TRMU: variants seen among roughly 807,000 people sequenced by gnomAD.
TRMU encodes the protein tRNA mitochondrial 2-thiouridylase, also known as mitochondrial tRNA-specific 2-thiouridylase 1.
In TRMU, 49 loss-of-function variants were observed where a neutral mutation model predicts 46.9. The ratio of observed to expected loss-of-function variants is 1.05; its 90% CI spans 0.83 to 1.33. The LOEUF is 1.33. Ranked by LOEUF, TRMU falls within the 40% of genes most tolerant of loss-of-function variation. TRMU has a pLI of 0.00. For missense variants in TRMU, 572 were observed against 532.4 expected (o/e 1.07, Z -0.73); for synonymous variants, 241 against 200.9 (o/e 1.20, Z -1.69).
Position 46,338,662 on chromosome 22 carries a change from G to T in TRMU, c.248+718G>T, listed in dbSNP as rs1270618352. Among the ~76,000 whole-genome samples the T allele has an allele frequency of 6.6e-6, 1 of 152,216 alleles. No homozygotes were observed. Among genetic ancestry groups the T allele is most frequent in the East Asian group, 1.9e-4 (1 of 5,196 alleles). The stretch of plus-strand genomic sequence containing the variant: ...AAGTTGTAGAGAAGGGACTCCAAAT[G>T]GGGTAACGAGAGCAGCGTGAAGGGG... On this transcript the variant is annotated intron_variant, in intron 2 of 10. Transcript: ENST00000645190. This position sits in a 1 kb window ranked among gnomAD's most constrained non-coding sequence, Gnocchi z 4.5.
At chr22:46,354,040 A>T (rs1243153285) in intron 8 of TRMU, 173 bp downstream of exon 8, 1 of 644,824 alleles carries the variant, frequency 1.6e-6, no homozygotes, top group Non-Finnish European at 2.8e-6. Context: ...TGGTGGCAGG[A>T]GAGTTTTAAG....
At position 46,357,281 on chromosome 22, in the gene TRMU, C is replaced by A; in HGVS notation, c.*275C>A. The A allele has an allele frequency of 1.8e-6, 1 of 558,236 alleles. No individual in the cohort carries two copies. The highest frequency in any genetic ancestry group is 3.2e-6 in the Non-Finnish European group (1 of 311,366). The allele number at this position is 558,236 out of a possible 1,614,324, so 34.6% of individuals were successfully genotyped here. A position where few individuals can be genotyped will look rare whatever the true frequency, so the allele number is the denominator to read the frequency against. On this transcript the variant is annotated 3_prime_UTR_variant, in exon 11 of 11. Transcript: ENST00000645190. ...GAGGGTTTCCCACCTCAGAGTACACCGAGGGGACCTGCAGAGGGGGCTGTC... is the reference window on the plus strand; with the variant it reads ...GAGGGTTTCCCACCTCAGAGTACACAGAGGGGACCTGCAGAGGGGGCTGTC...
Position 46,356,170 on chromosome 22 carries a change from A to G in TRMU, c.1101+98A>G, listed in dbSNP as rs1013672182. On this transcript the variant is annotated intron_variant, in intron 10 of 10. Transcript: ENST00000645190. ...GAGGAAGGGGCTGAGGCCCAGGAGT[A>G]GGGTGTGCTCGGGTCACACAGCTGG... 5.0e-6 allele frequency: 7 copies of G among 1,407,410 alleles called. No homozygotes were observed. In the African/African-American group the frequency reaches 9.9e-5, roughly 20 times the overall value. The allele number at this position is 1,407,410 out of a possible 1,614,324, so 87.2% of individuals were successfully genotyped here.
rs906995971 is a variant in TRMU at position 46,335,847 on chromosome 22, G to T, written c.82+1G>T. ...GCCGCGCTGCTGCTGAGGCGGAGAG[G>T]TGAGGCGTCCGAGGCTCCCGCCCCC... On this transcript the variant is annotated splice_donor_variant, in intron 1 of 10. Coordinates refer to ENST00000645190, the MANE Select transcript of TRMU (RefSeq NM_018006.5). LOFTEE classifies it high-confidence loss of function. The T allele has an allele frequency of 3.9e-6, 6 of 1,546,014 alleles. No individual in the cohort carries two copies. In the African/African-American group the frequency reaches 8.2e-5, roughly 21 times the overall value.
chr22:46,346,693 C>G (rs2078267674), intron 4 of TRMU, 149 bp downstream of exon 4: 1 of 1,025,082 alleles, frequency 9.8e-7, no homozygotes, highest in Non-Finnish European at 1.4e-6. Context: ...TGAAAAGGTG[C>G]AGTTACCAAG....
In TRMU at chr22:46,353,261, A is replaced by G. The variant is rs573379946; in HGVS notation, c.773-506A>G. ...GCTGCCGGCCCAGGCCACGTGGTAA[A>G]TCCCATGAGGTTCTCTCTGCCTGTG... On this transcript the variant is annotated intron_variant, in intron 7 of 10. Coordinates refer to ENST00000645190, the MANE Select transcript of TRMU (RefSeq NM_018006.5). The G allele has an allele frequency of 1.7e-4, 32 of 188,350 alleles. No individual in the cohort carries two copies. In the South Asian group the frequency reaches 2.8e-3, roughly 17 times the overall value. The allele number at this position is 188,350 out of a possible 1,614,324, so 11.7% of individuals were successfully genotyped here.
rs2077984722 is a variant in TRMU at position 46,336,579 on chromosome 22, A to G, written c.82+733A>G. 6.6e-6 allele frequency: 1 copy of G among 152,254 alleles called. No homozygotes were observed. The highest frequency in any genetic ancestry group is 1.5e-5 in the Non-Finnish European group (1 of 68,096). The allele number at this position is 152,254 out of a possible 1,614,324, so 9.4% of individuals were successfully genotyped here. A position where few individuals can be genotyped will look rare whatever the true frequency, so the allele number is the denominator to read the frequency against. On this transcript the variant is annotated intron_variant, in intron 1 of 10. Coordinates refer to ENST00000645190, the MANE Select transcript of TRMU (RefSeq NM_018006.5). The surrounding 1 kb of genome is among the most constrained non-coding windows in gnomAD (Gnocchi z 4.1). ...CAAGTGAATTAAGCCGTCCCCTGTA[A>G]AATTCGGCTAACACCTGCCTCACGG...
intron 3 of TRMU, among the ~76,000 whole-genome samples, chr22:46,344,898 A>G (rs1050615855): frequency 1.3e-5 from 2 of 152,132 alleles, no homozygotes; most frequent in South Asian, 4.1e-4. Context: ...TGCCTTTTTC[A>G]GGTCGTTAAT....
rs1167225464 is a variant in TRMU at position 46,335,843 on chromosome 22, A to G, written c.79A>G (p.Arg27Gly). 1.3e-6 allele frequency: 2 copies of G among 1,548,582 alleles called. No individual in the cohort carries two copies. The highest frequency in any genetic ancestry group is 4.8e-5 in the East Asian group (2 of 41,240). ...CGTGGCCGCGCTGCTGCTGAGGCGG[A>G]GAGGTGAGGCGTCCGAGGCTCCCGC... ...SAVAALLLRR[R>G]GYQVTGVFMK... The change falls in exon 1 of 11, where the codon AGA becomes GGA. Residue 27 changes from arginine (R) to glycine (G), a missense_variant. By Grantham distance (125) the Arg-to-Gly change is moderately radical. Transcript: ENST00000645190.
chr22:46,355,444 G>C lies in TRMU; in HGVS notation c.874G>C (p.Ala292Pro). Residue 292 changes from alanine to proline, a missense_variant and splice_region_variant, in exon 9 of 11, where the codon GCC becomes CCC. By Grantham distance (27) the Ala-to-Pro change is conservative (BLOSUM62 -1). Coordinates refer to ENST00000645190, the MANE Select transcript of TRMU (RefSeq NM_018006.5). ...KDSVKGDVFV[A>P]PRTDHPALYR... ...CCCACCTTCACATTCCATTCTGCAG[G>C]CCCCCCGGACAGACCACCCAGCCCT... 2 of 1,612,402 alleles carry C rather than the reference G, an allele frequency of 1.2e-6. No homozygotes were observed. The highest frequency in any genetic ancestry group is 1.7e-6 in the Non-Finnish European group (2 of 1,179,506).
chr22:46,346,609 A>G, intron 4 of TRMU, 65 bp downstream of exon 4: 2 of 1,571,926 alleles, frequency 1.3e-6, no homozygotes, highest in African/African-American at 1.4e-5. Flanking sequence ...TGGAGGAATG[A>G]CAGTGGGTTG....
chr22:46,345,861 A>G (rs1282935870), intron 3 of TRMU, among the ~76,000 whole-genome samples: 1 of 150,460 alleles, frequency 6.6e-6, no homozygotes, highest in Admixed American at 6.6e-5. Context: ...TCAACCTCCC[A>G]GGTTGAAGCA....
At chr22:46,356,443 T>G in intron 10 of TRMU, 1 of 424,424 alleles carries the variant, frequency 2.4e-6, no homozygotes, top group Non-Finnish European at 4.4e-6. Context: ...GCCTGGTGGG[T>G]GTAGGCCTGA....
At chr22:46,343,909 C>T (rs1353554484) in intron 3 of TRMU, among the ~76,000 whole-genome samples, 1 of 151,710 alleles carries the variant, frequency 6.6e-6, no homozygotes, top group African/African-American at 2.4e-5. Context: ...CCAGTAGTGT[C>T]GGCACTTTCA....
rs2078365271 is a variant in TRMU, at chr22:46,349,988, T to C, written c.479-303T>C. Among the ~76,000 whole-genome samples the C allele has an allele frequency of 6.6e-6, 1 of 152,148 alleles. No individual in the cohort carries two copies. Among genetic ancestry groups the C allele is most frequent in the Non-Finnish European group, 1.5e-5 (1 of 68,020 alleles). ...CTGAATTTATTTTAGGTGTTTTTTT[T>C]TTTTTTTCTTATCACTTGAGAACAT... On this transcript the variant is annotated intron_variant, in intron 4 of 10. Transcript: ENST00000645190. The surrounding 1 kb of genome is among the most constrained non-coding windows in gnomAD (Gnocchi z 4.6).
intron 5 of TRMU, 91 bp from the exon 6 acceptor site, chr22:46,352,030 G>A (rs1195921647): frequency 7.7e-6 from 11 of 1,436,800 alleles, no homozygotes; most frequent in South Asian, 2.3e-5. Context: ...GGGTGAGGCC[G>A]GGAGGCCCCA....
chr22:46,352,037 C>CAA, intron 5 of TRMU, 84 bp from the exon 6 acceptor site: 1 of 1,514,168 alleles, frequency 6.6e-7, no homozygotes, highest in Admixed American at 1.7e-5. Flanking sequence ...GCCGGGAGGC[C>CAA]CCAGGGCCCG....
Position 46,336,040 on chromosome 22 carries a change from G to A in TRMU, c.82+194G>A. 5.7e-6 allele frequency: 8 copies of A among 1,413,258 alleles called. No individual in the cohort carries two copies. Among genetic ancestry groups the A allele is most frequent in the Non-Finnish European group, 7.4e-6 (8 of 1,087,256 alleles). The allele number at this position is 1,413,258 out of a possible 1,614,324, so 87.5% of individuals were successfully genotyped here. A position where few individuals can be genotyped will look rare whatever the true frequency, so the allele number is the denominator to read the frequency against. On this transcript the variant is annotated intron_variant, in intron 1 of 10. Coordinates refer to ENST00000645190, the MANE Select transcript of TRMU (RefSeq NM_018006.5). This position sits in a 1 kb window ranked among gnomAD's most constrained non-coding sequence, Gnocchi z 4.1. ...TCCACCTGTGTAGTCGGAGGTGTGC[G>A]CGACTGCAGCTCCGACTACCTGGGA...
At chr22:46,346,929 G>A (rs181595746) in intron 4 of TRMU, among the ~76,000 whole-genome samples, 4 of 152,384 alleles carry the variant, frequency 2.6e-5, no homozygotes, top group East Asian at 3.9e-4. Context: ...AAGGGCGTGC[G>A]GTTCAGGCAG....
Sources: allele counts gnomAD v4.1 joint callset (sites outside exome capture counted in the v4.1 genomes callset), GRCh38; gene constraint gnomAD v4.1.1; non-coding constraint Gnocchi (gnomAD v3.1); transcripts MANE v1.5; gene names NCBI Gene and HGNC (gene_info 2026-07-23, HGNC 2026-07-21).